NAALADL2: variants seen among roughly 807,000 people sequenced by gnomAD.
NAALADL2 encodes N-acetylated alpha-linked acidic dipeptidase like 2.
A neutral mutation model predicts 87.2 loss-of-function variants in NAALADL2; 76 were observed. That is an observed-to-expected ratio of 0.87 (90% CI 0.72 to 1.05). The LOEUF (loss-of-function observed/expected upper bound fraction) is 1.05, where lower values mean the gene tolerates loss of function less well. NAALADL2 is among the 50% of genes least tolerant of loss of function. The pLI is 0.00. For synonymous variants in NAALADL2, 354 were observed against 331.0 expected, an observed-to-expected ratio of 1.07 and a Z score of -0.75; for missense variants, 1,089 against 945.8, an observed-to-expected ratio of 1.15 and a Z score of -1.99.
At chr3:174,724,436 T>C (rs887597980) in intron 2 of NAALADL2, among the ~76,000 whole-genome samples, 1 of 152,188 alleles carries the variant, frequency 6.6e-6, no homozygotes, top group African/African-American at 2.4e-5. Flanking sequence ...CAAATATTGG[T>C]AGACTAATAT....
In NAALADL2 at chr3:175,697,801, A is replaced by G. The variant is rs111835157; in HGVS notation, c.1897-39505A>G. On this transcript the variant is annotated intron_variant, in intron 11 of 13. Transcript: ENST00000454872. Reference sequence around the variant, plus strand: ...CATATATATGTGTGTGTATATATGTATATATATTTATGTATGTATACATAT... The same window carrying G: ...CATATATATGTGTGTGTATATATGTGTATATATTTATGTATGTATACATAT... Among the ~76,000 whole-genome samples, 7 of 143,688 alleles carry G rather than the reference A, an allele frequency of 4.9e-5. No homozygotes were observed. In the South Asian group the frequency reaches 6.5e-4, roughly 13 times the overall value. 94.3% of individuals were successfully genotyped at this position (143,688 alleles called of 152,430 possible).
Position 175,437,766 on chromosome 3 carries a change from T to G in NAALADL2, c.1091-9463T>G, listed in dbSNP as rs569127356. Among the ~76,000 whole-genome samples the G allele has an allele frequency of 2.0e-5, 3 of 152,242 alleles. No homozygotes were observed. In the East Asian group the frequency reaches 5.8e-4, roughly 29 times the overall value. The stretch of plus-strand genomic sequence containing the variant: ...ACCAAAACAGAGATATAGATCAATG[T>G]GTAGTACTTTTTAAAAAGTAAAATT... On this transcript the variant is annotated intron_variant, in intron 5 of 13. Coordinates refer to ENST00000454872, the MANE Select transcript of NAALADL2 (RefSeq NM_207015.3).
At chr3:175,619,869 G>C (rs1422131656) in intron 10 of NAALADL2, among the ~76,000 whole-genome samples, 2 of 152,078 alleles carry the variant, frequency 1.3e-5, no homozygotes, top group East Asian at 3.9e-4. Context: ...GCTTGGGCCA[G>C]GACCTTATTC....
intron 5 of NAALADL2, among the ~76,000 whole-genome samples, chr3:175,369,803 A>G (rs188809892): frequency 1.3e-5 from 2 of 152,336 alleles, no homozygotes; most frequent in East Asian, 3.9e-4. Flanking sequence ...AATCATATCT[A>G]CTTCTTCCTA....
At chr3:175,514,708 C>T (rs1470498880) in intron 9 of NAALADL2, among the ~76,000 whole-genome samples, 5 of 152,002 alleles carry the variant, frequency 3.3e-5, no homozygotes, top group Admixed American at 3.3e-4. Context: ...ATGGGCCACA[C>T]AAGCACACAG....
intron 2 of NAALADL2, among the ~76,000 whole-genome samples, chr3:174,580,124 G>A (rs577175763): frequency 2.0e-5 from 3 of 151,972 alleles, no homozygotes; most frequent in Non-Finnish European, 4.4e-5. Context: ...AAGGAAAAAT[G>A]TGTAAGGATA....
intron 2 of NAALADL2, among the ~76,000 whole-genome samples, chr3:174,593,316 G>T (rs914673293): frequency 6.6e-6 from 1 of 152,116 alleles, no homozygotes; most frequent in Non-Finnish European, 1.5e-5. Flanking sequence ...ATATTTTCTT[G>T]TGGTTAGTAC....
intron 2 of NAALADL2, among the ~76,000 whole-genome samples, chr3:174,555,790 C>A (rs369212341): frequency 6.6e-6 from 1 of 152,262 alleles, no homozygotes; most frequent in Admixed American, 6.5e-5. Context: ...TTACTACCTA[C>A]TTTCAGGTCA....
intron 2 of NAALADL2, among the ~76,000 whole-genome samples, chr3:175,203,466 A>G (rs1450323789): frequency 6.6e-6 from 1 of 152,090 alleles, no homozygotes; most frequent in Non-Finnish European, 1.5e-5. Flanking sequence ...TCCCACTTCC[A>G]CGGCAGGAGC....
intron 2 of NAALADL2, among the ~76,000 whole-genome samples, chr3:175,141,573 A>G (rs751957997): frequency 2.7e-4 from 41 of 152,092 alleles, no homozygotes; most frequent in Non-Finnish European, 4.9e-4. Flanking sequence ...AAAGTTGTAA[A>G]TATATATTAC....
intron 3 of NAALADL2, among the ~76,000 whole-genome samples, chr3:174,761,428 T>G (rs9811422): frequency 0.013 from 2,043 of 152,288 alleles, 52 homozygotes; most frequent in African/African-American, 0.048. Context: ...AGAAAAATAG[T>G]ATATTAACTC....
chr3:175,198,646 A>C (rs932147274), intron 2 of NAALADL2, among the ~76,000 whole-genome samples: 8 of 152,084 alleles, frequency 5.3e-5, no homozygotes, highest in Admixed American at 2.6e-4. Flanking sequence ...ATAAACTACA[A>C]ACATACTGTG....
chr3:175,690,916 C>G (rs537925910), intron 11 of NAALADL2, among the ~76,000 whole-genome samples: 1 of 151,876 alleles, frequency 6.6e-6, no homozygotes, highest in African/African-American at 2.4e-5. Context: ...TCTTAAATAC[C>G]TCTACTGTCA....
At chr3:175,212,541 A>C (rs1741912982) in intron 2 of NAALADL2, among the ~76,000 whole-genome samples, 1 of 150,132 alleles carries the variant, frequency 6.7e-6, no homozygotes, top group Non-Finnish European at 1.5e-5. Flanking sequence ...ATGAATCATA[A>C]ATTTTCTTCA....
At chr3:175,223,453 T>C (rs1743701741) in intron 2 of NAALADL2, among the ~76,000 whole-genome samples, 1 of 152,034 alleles carries the variant, frequency 6.6e-6, no homozygotes, top group Non-Finnish European at 1.5e-5. Flanking sequence ...TTGTTACAAA[T>C]GGCAAGATTC....
At chr3:175,152,397 C>G (rs947800080) in intron 2 of NAALADL2, among the ~76,000 whole-genome samples, 1 of 151,958 alleles carries the variant, frequency 6.6e-6, no homozygotes, top group African/African-American at 2.4e-5. Flanking sequence ...TGATTGTTTC[C>G]TTCTGCTATG....
At chr3:175,127,935 T>C (rs1252275085) in intron 2 of NAALADL2, among the ~76,000 whole-genome samples, 2 of 152,164 alleles carry the variant, frequency 1.3e-5, no homozygotes, top group African/African-American at 4.8e-5. Flanking sequence ...TAATAATAGA[T>C]GTGATATAGT....
intron 1 of NAALADL2, among the ~76,000 whole-genome samples, chr3:174,458,357 T>C (rs1715988523): frequency 6.6e-6 from 1 of 152,198 alleles, no homozygotes; most frequent in African/African-American, 2.4e-5. Flanking sequence ...TTTTCCTCTC[T>C]CTAAAATGGG....
intron 5 of NAALADL2, among the ~76,000 whole-genome samples, chr3:175,401,428 A>G (rs1770551273): frequency 1.3e-5 from 2 of 152,164 alleles, no homozygotes; most frequent in African/African-American, 4.8e-5. Flanking sequence ...GAATGTGTGT[A>G]TATTTATGTA....
Sources: gnomAD v4.1 joint callset for allele counts (sites outside exome capture counted in the v4.1 genomes callset) on GRCh38, gnomAD v4.1.1 for gene constraint, MANE v1.5 for transcripts, NCBI Gene and HGNC (gene_info 2026-07-23, HGNC 2026-07-21) for gene names.